Variants in MYO16 observed in about 807,000 individuals in gnomAD.
MYO16 encodes the protein unconventional myosin-XVI.
Under a neutral mutation model 205.3 loss-of-function variants are expected in MYO16, and 94 were observed. That is an observed-to-expected ratio of 0.46 (90% CI 0.39 to 0.54). The LOEUF (loss-of-function observed/expected upper bound fraction) is 0.54. Among genes scored for constraint, MYO16 ranks in the 20% least tolerant of loss-of-function variants. MYO16 has a pLI of 0.00. For synonymous variants in MYO16, 988 were observed against 954.0 expected, an observed-to-expected ratio of 1.04 and a Z score of -0.66; for missense variants, 2,315 against 2,387.5, an observed-to-expected ratio of 0.97 and a Z score of 0.63.
chr13:108,900,584 G>A (rs1880659439), intron 15 of MYO16, among the ~76,000 whole-genome samples: 1 of 152,230 alleles, frequency 6.6e-6, no homozygotes, highest in Admixed American at 6.5e-5. Context: ...AAGATTTCAT[G>A]GACACTTATC....
At chr13:108,825,247 TC>T (rs1479490902) in intron 9 of MYO16, among the ~76,000 whole-genome samples, 2 of 151,822 alleles carry the variant, frequency 1.3e-5, no homozygotes, top group Admixed American at 1.3e-4. Context: ...CATTCAAAAA[TC>T]AGAAAATATG....
intron 16 of MYO16, among the ~76,000 whole-genome samples, chr13:108,938,751 A>G (rs1398572856): frequency 2.0e-5 from 3 of 152,220 alleles, no homozygotes; most frequent in Non-Finnish European, 4.4e-5. Context: ...CTGCACCACC[A>G]TCTATGTTCA....
At position 108,765,619 on chromosome 13, in the gene MYO16, T is replaced by G. The variant is rs1017815069; in HGVS notation, c.508-20016T>G. Among the ~76,000 whole-genome samples the G allele has an allele frequency of 5.9e-5, 9 of 152,198 alleles. 1 individual carries two copies. The highest frequency in any genetic ancestry group is 1.2e-4 in the Non-Finnish European group (8 of 68,042). ...TGCAGTATGGAGGATGGGATGGCTC[T>G]GTTCACACATCTCATCCCCATCAGA... On this transcript the variant is annotated intron_variant, in intron 4 of 34. Transcript: ENST00000457511.
chr13:109,131,082 A>G (rs769808959), intron 31 of MYO16, among the ~76,000 whole-genome samples: 1 of 152,206 alleles, frequency 6.6e-6, no homozygotes, highest in Non-Finnish European at 1.5e-5. Flanking sequence ...AAAGATAGGA[A>G]GACCATTTGA....
chr13:108,852,011 C>T (rs914492404), intron 10 of MYO16, among the ~76,000 whole-genome samples: 1 of 152,162 alleles, frequency 6.6e-6, no homozygotes, highest in Non-Finnish European at 1.5e-5. Context: ...CCTTACAGCC[C>T]TCACCATGTC....
At chr13:108,631,219 C>G (rs138614569) in intron 1 of MYO16, among the ~76,000 whole-genome samples, 12 of 152,268 alleles carry the variant, frequency 7.9e-5, no homozygotes, top group African/African-American at 2.9e-4. Context: ...AGAGGAAAAA[C>G]TCTGCATCTT....
At chr13:108,916,958 A>G (rs1411816935) in intron 16 of MYO16, among the ~76,000 whole-genome samples, 1 of 152,024 alleles carries the variant, frequency 6.6e-6, no homozygotes, top group Non-Finnish European at 1.5e-5. Context: ...AAGAAAAAAG[A>G]AAAAGGGGGA....
chr13:108,887,930 A>G, intron 13 of MYO16, among the ~76,000 whole-genome samples: 1 of 151,620 alleles, frequency 6.6e-6, no homozygotes, highest in East Asian at 1.9e-4. Context: ...GTGAGCCTGC[A>G]TGTCTCAACA....
chr13:109,126,980 C>T (rs1465621948), intron 30 of MYO16, among the ~76,000 whole-genome samples: 3 of 152,110 alleles, frequency 2.0e-5, no homozygotes, highest in Non-Finnish European at 4.4e-5. Flanking sequence ...TCAGTGAGTG[C>T]CTGATGGAAA....
rs901163940 is a variant in MYO16 at position 108,727,499 on chromosome 13, C to T, written c.423C>T (p.Val141=). 1 of 1,614,034 alleles carries T rather than the reference C, an allele frequency of 6.2e-7. No homozygotes were observed. The highest frequency in any genetic ancestry group is 8.5e-7 in the Non-Finnish European group (1 of 1,179,952). The part of the protein sequence containing the change: ...AEILIDRGVN[V]NHQDEDFWTP... ...TTCTGATTGACAGAGGAGTCAACGTCAACCACCAGGATGAAGACTTCTGGA... is the reference window on the plus strand; with the variant it reads ...TTCTGATTGACAGAGGAGTCAACGTTAACCACCAGGATGAAGACTTCTGGA... The change falls in exon 4 of 35, where the codon GTC becomes GTT. Residue 141 remains valine, a synonymous_variant. Transcript: ENST00000457511.
intron 16 of MYO16, among the ~76,000 whole-genome samples, chr13:108,945,326 T>C (rs956769093): frequency 1.3e-5 from 2 of 152,228 alleles, no homozygotes; most frequent in Non-Finnish European, 2.9e-5. Context: ...GTAGAAGTGA[T>C]TGTGACCTGA....
chr13:108,631,463 G>A (rs1447979161), intron 1 of MYO16, among the ~76,000 whole-genome samples: 1 of 152,200 alleles, frequency 6.6e-6, no homozygotes. Flanking sequence ...AATTGGTGAT[G>A]TCAATTGGAG....
In MYO16 at chr13:109,074,683, G is replaced by A. The variant is rs887167163; in HGVS notation, c.3335+19088G>A. Reference sequence around the variant, plus strand: ...GAAAACTCACCATCAGGAGAACAGCGTGGGGGAACCAGCACACTTACACCA... The same window carrying A: ...GAAAACTCACCATCAGGAGAACAGCATGGGGGAACCAGCACACTTACACCA... On this transcript the variant is annotated intron_variant, in intron 27 of 34. Transcript: ENST00000457511. Among the ~76,000 whole-genome samples, 36 of 151,652 alleles carry A rather than the reference G, an allele frequency of 2.4e-4. 1 individual carries two copies. The highest frequency in any genetic ancestry group is 3.2e-4 in the Non-Finnish European group (22 of 67,918).
chr13:108,997,338 A>AAGAGAGAGAGAGAGAGAGAG (rs869174444), intron 21 of MYO16, among the ~76,000 whole-genome samples: 1 of 5,542 alleles, frequency 1.8e-4, no homozygotes, highest in African/African-American at 7.0e-4. Flanking sequence ...GAAAGAAAGA[A>AAGAGAGAGAGAGAGAGAGAG]AGAGAGAGAG....
At chr13:108,635,354 A>T (rs1487267887) in intron 1 of MYO16, among the ~76,000 whole-genome samples, 4 of 152,162 alleles carry the variant, frequency 2.6e-5, no homozygotes, top group Non-Finnish European at 1.5e-5. Context: ...AGGGTGTTCC[A>T]CCACTTTTAA....
At chr13:108,567,808 A>AC in the MYO16 span, among the ~76,000 whole-genome samples, 4 of 151,082 alleles carry the variant, frequency 2.6e-5, no homozygotes, top group African/African-American at 9.7e-5. Flanking sequence ...CCCACTACCC[A>AC]CCCCCCTGAA....
chr13:108,903,628 G>A (rs1880821668), intron 15 of MYO16, among the ~76,000 whole-genome samples: 1 of 152,100 alleles, frequency 6.6e-6, no homozygotes, highest in Non-Finnish European at 1.5e-5. Context: ...AATCATCACT[G>A]CTCAAAAAAA....
At chr13:108,946,745 AT>A (rs555297772) in intron 16 of MYO16, among the ~76,000 whole-genome samples, 125 of 147,128 alleles carry the variant, frequency 8.5e-4, no homozygotes, top group East Asian at 3.2e-3. Context: ...ATAGAGATGG[AT>A]TTTTTTTTTT....
intron 16 of MYO16, among the ~76,000 whole-genome samples, chr13:108,920,759 A>ATCTGTC (rs1881714876): frequency 6.6e-6 from 1 of 152,216 alleles, no homozygotes; most frequent in African/African-American, 2.4e-5. Context: ...ATGCCCAGCC[A>ATCTGTC]TCTGTCTCTG....
Sources: allele counts gnomAD v4.1 joint callset (sites outside exome capture counted in the v4.1 genomes callset), GRCh38; gene constraint gnomAD v4.1.1; transcripts MANE v1.5; gene names NCBI Gene and HGNC (gene_info 2026-07-23, HGNC 2026-07-21).